Variants in ZDHHC18 observed in about 807,000 individuals in gnomAD.
The protein encoded by ZDHHC18 is palmitoyltransferase ZDHHC18.
A neutral mutation model predicts 37.5 loss-of-function variants in ZDHHC18; 23 were observed. The observed-to-expected ratio is 0.61, with a 90% CI of 0.44 to 0.87. The LOEUF is 0.87. ZDHHC18 is among the 40% of genes least tolerant of loss of function. The pLI, the probability that ZDHHC18 is intolerant of heterozygous loss-of-function variation, is 0.00. For missense variants in ZDHHC18, 406 were observed against 525.6 expected (o/e 0.77, Z 2.22); for synonymous variants, 185 against 218.7 (o/e 0.85, Z 1.36).
intron 2 of ZDHHC18, among the ~76,000 whole-genome samples, chr1:26,843,061 G>A (rs185368309): frequency 9.9e-5 from 15 of 152,188 alleles, no homozygotes; most frequent in Admixed American, 2.0e-4. Flanking sequence ...ACACACCTAG[G>A]TTAGAGTCCT....
intron 1 of ZDHHC18, among the ~76,000 whole-genome samples, chr1:26,827,413 T>G (rs2124242634): frequency 7.3e-6 from 1 of 136,326 alleles, no homozygotes; most frequent in African/African-American, 2.7e-5. Flanking sequence ...GACCCCACCC[T>G]GGCACCTGTC....
chr1:26,853,308 T>C lies in ZDHHC18; in HGVS notation c.1050-418T>C, dbSNP rs2081716568. On this transcript the variant is annotated intron_variant, in intron 7 of 7. Coordinates refer to ENST00000374142, the MANE Select transcript of ZDHHC18 (RefSeq NM_032283.3). ...AGTTCCAGAACGGGGATTACATTGCTGTGGGTACTGCTAAGACAAGTCATT... is the reference window on the plus strand; with the variant it reads ...AGTTCCAGAACGGGGATTACATTGCCGTGGGTACTGCTAAGACAAGTCATT... The C allele has an allele frequency of 1.4e-4, 35 of 255,716 alleles. 1 individual carries two copies. In the South Asian group the frequency reaches 1.8e-3, roughly 13 times the overall value. 15.8% of individuals were successfully genotyped at this position (255,716 alleles called of 1,614,324 possible).
At chr1:26,848,551 G>C in intron 2 of ZDHHC18, 57 bp from the exon 3 acceptor site, 4 of 1,579,898 alleles carry the variant, frequency 2.5e-6, no homozygotes, top group Non-Finnish European at 3.5e-6. Context: ...CCCTGCTGGG[G>C]ATCCGGGCCC....
At chr1:26,840,988 GA>G (rs1315614067) in intron 2 of ZDHHC18, among the ~76,000 whole-genome samples, 5 of 149,352 alleles carry the variant, frequency 3.3e-5, no homozygotes, top group Admixed American at 6.7e-5. Flanking sequence ...TTTTTGGGGG[GA>G]GGGGGGGACA....
At chr1:26,829,434 A>G (rs959348181) in intron 1 of ZDHHC18, among the ~76,000 whole-genome samples, 2 of 151,784 alleles carry the variant, frequency 1.3e-5, no homozygotes, top group Non-Finnish European at 2.9e-5. Context: ...GCACACTCCT[A>G]CCTCTGGGCC....
At chr1:26,837,259 AAT>A (rs1553157549) in intron 2 of ZDHHC18, among the ~76,000 whole-genome samples, 8 of 143,728 alleles carry the variant, frequency 5.6e-5, no homozygotes, top group African/African-American at 1.0e-4. Flanking sequence ...TCTCAAAAAA[AAT>A]ATATATATAT....
chr1:26,826,863 C>G lies in ZDHHC18; in HGVS notation c.59C>G (p.Pro20Arg). 1 of 979,944 alleles carries G rather than the reference C, an allele frequency of 1.0e-6. No homozygotes were observed. Among genetic ancestry groups the G allele is most frequent in the Non-Finnish European group, 1.2e-6 (1 of 827,732 alleles). 60.7% of individuals were successfully genotyped at this position (979,944 alleles called of 1,614,324 possible). A position where few individuals can be genotyped will look rare whatever the true frequency, so the allele number is the denominator to read the frequency against. Residue 20 changes from proline (P) to arginine (R), a missense_variant, in exon 1 of 8, where the codon CCG becomes CGG. Transcript: ENST00000374142. The surrounding 1 kb of genome is among the most constrained non-coding windows in gnomAD (Gnocchi z 5.2). ...GGGGCCGCCCCGCTGCCCGCCTCCC[C>G]GGGGGCGCGCCGTCCCGGCCCCGCC... Reference protein sequence around the residue: ...SPGAAPLPASPGARRPGPAAS... With the variant: ...SPGAAPLPASRGARRPGPAAS...
intron 2 of ZDHHC18, among the ~76,000 whole-genome samples, chr1:26,843,023 A>G (rs995735712): frequency 3.3e-5 from 5 of 152,192 alleles, no homozygotes; most frequent in African/African-American, 9.7e-5. Context: ...CAGAGGCTCA[A>G]TGGGTGAAGT....
chr1:26,840,483 C>T (rs904649976), intron 2 of ZDHHC18, among the ~76,000 whole-genome samples: 3 of 152,214 alleles, frequency 2.0e-5, no homozygotes, highest in Non-Finnish European at 4.4e-5. Context: ...CTCTGTCACC[C>T]AGGCTGGAGT....
intron 2 of ZDHHC18, among the ~76,000 whole-genome samples, chr1:26,848,189 G>A (rs916947681): frequency 1.3e-5 from 2 of 152,078 alleles, no homozygotes; most frequent in African/African-American, 4.8e-5. Flanking sequence ...GCACACTCCT[G>A]TAATCCCAGC....
At chr1:26,847,146 C>T (rs1177186666) in intron 2 of ZDHHC18, among the ~76,000 whole-genome samples, 4 of 152,098 alleles carry the variant, frequency 2.6e-5, no homozygotes, top group Non-Finnish European at 5.9e-5. Context: ...CCGCCCGCCT[C>T]GGCCCCCCAA....
intron 1 of ZDHHC18, among the ~76,000 whole-genome samples, chr1:26,829,254 G>A (rs2081572924): frequency 6.6e-6 from 1 of 152,110 alleles, no homozygotes; most frequent in African/African-American, 2.4e-5. Flanking sequence ...GTTTGGCTTG[G>A]TGGATTGTTG....
At chr1:26,839,134 G>T (rs2081626544) in intron 2 of ZDHHC18, among the ~76,000 whole-genome samples, 1 of 152,234 alleles carries the variant, frequency 6.6e-6, no homozygotes, top group African/African-American at 2.4e-5. Context: ...TTAGGGTGGG[G>T]AAATTCCTTT....
chr1:26,835,401 A>G (rs1405051254), intron 2 of ZDHHC18, among the ~76,000 whole-genome samples: 1 of 152,202 alleles, frequency 6.6e-6, no homozygotes, highest in Non-Finnish European at 1.5e-5. Flanking sequence ...CTAACTAATT[A>G]AAGTAAAACA....
In ZDHHC18 at chr1:26,850,650, C is replaced by T. The variant is rs748409407; in HGVS notation, c.833+44C>T. The T allele has an allele frequency of 6.2e-6, 10 of 1,609,210 alleles. No homozygotes were observed. The highest frequency in any genetic ancestry group is 5.0e-5 in the Admixed American group (3 of 59,798). On this transcript the variant is annotated intron_variant, in intron 5 of 7. Transcript: ENST00000374142. The surrounding 1 kb of genome is among the most constrained non-coding windows in gnomAD (Gnocchi z 6.1). ...AGGACACTCCAGTGGGAACTGAGGT[C>T]CCTTCACTGGGTGGGTGCCCTGCCT...
rs1468309833 is a variant in ZDHHC18 at position 26,826,846 on chromosome 1, C to T, written c.42C>T (p.Ala14=). 8 of 980,104 alleles carry T rather than the reference C, an allele frequency of 8.2e-6. No individual in the cohort carries two copies. The highest frequency in any genetic ancestry group is 9.7e-6 in the Non-Finnish European group (8 of 827,800). 60.7% of individuals were successfully genotyped at this position (980,104 alleles called of 1,614,324 possible). A position where few individuals can be genotyped will look rare whatever the true frequency, so the allele number is the denominator to read the frequency against. Residue 14 remains alanine (A), a synonymous_variant, in exon 1 of 8, where the codon GCC becomes GCT. Coordinates refer to ENST00000374142, the MANE Select transcript of ZDHHC18 (RefSeq NM_032283.3). The surrounding 1 kb of genome is among the most constrained non-coding windows in gnomAD (Gnocchi z 5.2). The stretch of plus-strand genomic sequence containing the variant: ...ACCAGCAGATCAGCCCCGGGGCCGC[C>T]CCGCTGCCCGCCTCCCCGGGGGCGC... ...CEYQQISPGA[A]PLPASPGARR... is the part of the protein sequence containing the mutation.
rs911416034 is a variant in ZDHHC18, at chr1:26,850,798, G to A, written c.833+192G>A. On this transcript the variant is annotated intron_variant, in intron 5 of 7. Transcript: ENST00000374142. This position sits in a 1 kb window ranked among gnomAD's most constrained non-coding sequence, Gnocchi z 6.1. Reference sequence around the variant, plus strand: ...TAAATGGGGCATTGTGGGGCCGGGGGTTCCTCGTCTTCAGGGGCCTGGAAA... The same window carrying A: ...TAAATGGGGCATTGTGGGGCCGGGGATTCCTCGTCTTCAGGGGCCTGGAAA... Among the ~76,000 whole-genome samples the A allele has an allele frequency of 2.0e-5, 3 of 152,156 alleles. No homozygotes were observed. Among genetic ancestry groups the A allele is most frequent in the African/African-American group, 4.8e-5 (2 of 41,448 alleles).
Position 26,850,378 on chromosome 1 carries a change from C to T in ZDHHC18, c.724C>T (p.Leu242Phe). 2.5e-6 allele frequency: 4 copies of T among 1,614,258 alleles called. No homozygotes were observed. The South Asian group carries it at 3.3e-5, about 13-fold the overall frequency. The change falls in exon 4 of 8, where the codon CTC (leucine) becomes TTC (phenylalanine). Residue 242 changes from leucine (L) to phenylalanine (F), a missense_variant. Transcript: ENST00000374142. The surrounding 1 kb of genome is among the most constrained non-coding windows in gnomAD (Gnocchi z 6.1). ...CTATCGCTTCTTCTACGCGTTTATT[C>T]TCTCCCTCTCATTCCTGACGGCCTT... ...RNYRFFYAFI[L>F]SLSFLTAFIF...
intron 2 of ZDHHC18, among the ~76,000 whole-genome samples, chr1:26,837,641 G>C (rs2081619663): frequency 6.6e-6 from 1 of 150,906 alleles, no homozygotes; most frequent in Admixed American, 6.6e-5. Flanking sequence ...CACCATGCCT[G>C]GCTAATTTTT....
Sources: allele counts gnomAD v4.1 joint callset (sites outside exome capture counted in the v4.1 genomes callset), GRCh38; gene constraint gnomAD v4.1.1; non-coding constraint Gnocchi (gnomAD v3.1); transcripts MANE v1.5; gene names NCBI Gene and HGNC (gene_info 2026-07-23, HGNC 2026-07-21).